Variants in CCDC146 observed in about 807,000 individuals in gnomAD.
CCDC146 encodes the protein coiled-coil domain-containing protein 146.
Under a neutral mutation model 119.3 loss-of-function variants are expected in CCDC146, and 92 were observed. The observed-to-expected ratio is 0.77, with a 90% CI of 0.65 to 0.92. CCDC146 has a LOEUF of 0.92. Ranked by LOEUF, CCDC146 falls within the 40% of genes least tolerant of loss-of-function variation. CCDC146 has a pLI of 0.00. For synonymous variants in CCDC146, 372 were observed against 371.8 expected, an observed-to-expected ratio of 1.00 and a Z score of -0.01; for missense variants, 1,000 against 1,103.0, an observed-to-expected ratio of 0.91 and a Z score of 1.32.
At chr7:77,280,113 C>T (rs534484561) in intron 13 of CCDC146, among the ~76,000 whole-genome samples, 1 of 152,194 alleles carries the variant, frequency 6.6e-6, no homozygotes, top group African/African-American at 2.4e-5. Context: ...CCATCTCTGT[C>T]CTCAAGACAG....
At chr7:77,247,460 G>A (rs1412861926) in intron 4 of CCDC146, among the ~76,000 whole-genome samples, 2 of 152,158 alleles carry the variant, frequency 1.3e-5, no homozygotes, top group Non-Finnish European at 2.9e-5. Flanking sequence ...TACCACTAAT[G>A]TATATGCAAG....
intron 18 of CCDC146, among the ~76,000 whole-genome samples, chr7:77,293,729 C>T (rs1020249143): frequency 6.6e-6 from 1 of 152,222 alleles, no homozygotes; most frequent in Non-Finnish European, 1.5e-5. Flanking sequence ...TTGCTGACTC[C>T]CCCTGCAAGT....
chr7:77,220,857 A>G (rs746069575), intron 2 of CCDC146, among the ~76,000 whole-genome samples: 1 of 152,172 alleles, frequency 6.6e-6, no homozygotes, highest in African/African-American at 2.4e-5. Context: ...TGCAGAATGT[A>G]TTAGTCCAGT....
chr7:77,288,848 C>A (rs1274957662), intron 17 of CCDC146, among the ~76,000 whole-genome samples: 1 of 152,220 alleles, frequency 6.6e-6, no homozygotes. Flanking sequence ...TTAATTTCTC[C>A]AATGCCTAGC....
intron 1 of CCDC146, among the ~76,000 whole-genome samples, chr7:77,136,578 GAAA>G (rs1359476213): frequency 6.6e-6 from 1 of 152,108 alleles, no homozygotes; most frequent in Non-Finnish European, 1.5e-5. Context: ...CATATAAGAA[GAAA>G]TAGACTCTCT....
chr7:77,123,998 CTT>C (rs1790661199), intron 1 of CCDC146, among the ~76,000 whole-genome samples: 1 of 152,080 alleles, frequency 6.6e-6, no homozygotes, highest in Non-Finnish European at 1.5e-5. Context: ...ACAGGTGTAA[CTT>C]TGAAAAGAAA....
At chr7:77,127,049 G>T (rs564667387) in intron 1 of CCDC146, among the ~76,000 whole-genome samples, 36 of 152,278 alleles carry the variant, frequency 2.4e-4, no homozygotes, top group African/African-American at 8.2e-4. Flanking sequence ...GGCAGCGGGA[G>T]CAGACACCCC....
At chr7:77,153,833 G>A (rs1298711677) in intron 1 of CCDC146, among the ~76,000 whole-genome samples, 1 of 151,794 alleles carries the variant, frequency 6.6e-6, no homozygotes, top group Non-Finnish European at 1.5e-5. Flanking sequence ...GAAAAATCAA[G>A]TTTACACAAA....
At chr7:77,225,979 A>G (rs1165751933) in intron 2 of CCDC146, among the ~76,000 whole-genome samples, 1 of 151,958 alleles carries the variant, frequency 6.6e-6, no homozygotes, top group Non-Finnish European at 1.5e-5. Context: ...TTAAAAGGAG[A>G]GAAGCTATTA....
At chr7:77,238,942 A>G (rs1028970315) in intron 3 of CCDC146, among the ~76,000 whole-genome samples, 8 of 152,148 alleles carry the variant, frequency 5.3e-5, no homozygotes, top group African/African-American at 1.9e-4. Context: ...CTCTAATGCC[A>G]TTGCAAATAC....
rs1190368431 is a variant in CCDC146 at position 77,274,640 on chromosome 7, C to T, written c.1428C>T (p.Phe476=). 1 of 1,608,088 alleles carries T rather than the reference C, an allele frequency of 6.2e-7. No homozygotes were observed. Among genetic ancestry groups the T allele is most frequent in the Non-Finnish European group, 8.5e-7 (1 of 1,178,272 alleles). Residue 476 remains phenylalanine (F), a synonymous_variant, in exon 11 of 19, where the codon TTC becomes TTT. Transcript: ENST00000285871. ...IDEKEQKSKD[F]LKAQQKYTNI... ...AAAAGGAACAAAAGTCCAAGGATTT[C>T]CTGAAAGCTCAGGTAACTGCATTTT...
intron 1 of CCDC146, among the ~76,000 whole-genome samples, chr7:77,140,926 A>T (rs1256956019): frequency 2.7e-5 from 4 of 147,620 alleles, no homozygotes; most frequent in African/African-American, 7.9e-5. Flanking sequence ...ATTAGCCTTT[A>T]TTTTTTTTTA....
At chr7:77,179,704 G>T (rs1478260844) in intron 2 of CCDC146, among the ~76,000 whole-genome samples, 1 of 151,892 alleles carries the variant, frequency 6.6e-6, no homozygotes, top group Non-Finnish European at 1.5e-5. Context: ...CAGTGGATTT[G>T]CTCGTTCAAA....
At chr7:77,198,102 T>C (rs868352409) in intron 2 of CCDC146, 11 of 984,506 alleles carry the variant, frequency 1.1e-5, no homozygotes, top group Middle Eastern at 5.2e-4. Context: ...TCTAATCTAA[T>C]GTATACCCAC....
At chr7:77,151,712 C>T (rs1429082325) in intron 1 of CCDC146, among the ~76,000 whole-genome samples, 3 of 152,104 alleles carry the variant, frequency 2.0e-5, no homozygotes, top group African/African-American at 7.2e-5. Flanking sequence ...TTAGGTAGCA[C>T]CGTGGTTTCA....
chr7:77,271,883 A>T (rs1793530117), intron 9 of CCDC146, among the ~76,000 whole-genome samples: 1 of 152,138 alleles, frequency 6.6e-6, no homozygotes, highest in African/African-American at 2.4e-5. Context: ...TTTAGTTGAC[A>T]TAGTAGCTAG....
chr7:77,217,926 C>T (rs1792330253), intron 2 of CCDC146, among the ~76,000 whole-genome samples: 1 of 152,100 alleles, frequency 6.6e-6, no homozygotes, highest in South Asian at 2.1e-4. Context: ...GTGAATGGAG[C>T]TTGCAGGACT....
intron 2 of CCDC146, among the ~76,000 whole-genome samples, chr7:77,206,886 C>T (rs1284383480): frequency 4.6e-5 from 7 of 151,768 alleles, no homozygotes; most frequent in Admixed American, 4.6e-4. Context: ...AACAATTAAA[C>T]TATTATGGTA....
At chr7:77,198,376 T>C in intron 2 of CCDC146, 1 of 948,484 alleles carries the variant, frequency 1.1e-6, no homozygotes, top group Non-Finnish European at 1.3e-6. Context: ...TCAGCAACAG[T>C]GGTCCCAGTG....
Sources: allele counts gnomAD v4.1 joint callset (sites outside exome capture counted in the v4.1 genomes callset), GRCh38; gene constraint gnomAD v4.1.1; transcripts MANE v1.5; gene names NCBI Gene and HGNC (gene_info 2026-07-23, HGNC 2026-07-21).